Variants in TEX11 observed in about 807,000 individuals in gnomAD.
The protein encoded by TEX11 is testis expressed 11, also known as testis-expressed protein 11.
In TEX11, 7 loss-of-function variants were observed where a neutral mutation model predicts 84.4. The ratio of observed to expected loss-of-function variants is 0.08; its 90% CI spans 0.05 to 0.16. The LOEUF is 0.16. TEX11 is among the 10% of genes least tolerant of loss of function. The pLI is 1.00. For synonymous variants in TEX11, 264 were observed against 222.8 expected (o/e 1.18, Z -1.64); for missense variants, 551 against 660.5 (o/e 0.83, Z 1.82).
intron 9 of TEX11, among the ~76,000 whole-genome samples, chrX:70,755,924 G>A (rs763443100): frequency 5.3e-5 from 6 of 112,546 alleles, no homozygotes; most frequent in Non-Finnish European, 1.1e-4. Context: ...CTTCACAACC[G>A]GCAGACCAGG....
intron 25 of TEX11, among the ~76,000 whole-genome samples, chrX:70,581,873 G>A (rs1569339555): frequency 9.0e-6 from 1 of 111,480 alleles, no homozygotes; most frequent in Non-Finnish European, 1.9e-5. Context: ...AGTGACAAAT[G>A]GGTATATGCT....
At chrX:70,906,833 A>G (rs760190889) in intron 2 of TEX11, among the ~76,000 whole-genome samples, 2 of 112,082 alleles carry the variant, frequency 1.8e-5, no homozygotes, top group Admixed American at 1.9e-4. Flanking sequence ...TATTAACAAA[A>G]TGTTGACCTA....
chrX:70,827,412 T>C (rs962699668), intron 8 of TEX11, among the ~76,000 whole-genome samples: 6 of 111,573 alleles, frequency 5.4e-5, no homozygotes, highest in African/African-American at 2.0e-4. Flanking sequence ...GACTTTGTAC[T>C]GCACTCTAGG....
At position 70,722,715 on chromosome X, in the gene TEX11, G is replaced by T. The variant is rs760055039; in HGVS notation, c.926-19C>A. 23 of 1,114,218 alleles carry T rather than the reference G, an allele frequency of 2.1e-5. No individual in the cohort carries two copies. Among genetic ancestry groups the T allele is most frequent in the Non-Finnish European group, 2.7e-5 (22 of 813,514 alleles). 91.8% of individuals were successfully genotyped at this position (1,114,218 alleles called of 1,213,427 possible). A position where few individuals can be genotyped will look rare whatever the true frequency, so the allele number is the denominator to read the frequency against. ...ATGACAGCTAACAAGATGAAAAAATGAAATAATTATCAGTTTAATTTTTGA... is the reference window on the plus strand; with the variant it reads ...ATGACAGCTAACAAGATGAAAAAATTAAATAATTATCAGTTTAATTTTTGA... On this transcript the variant is annotated intron_variant, in intron 12 of 29. Transcript: ENST00000374333.
At chrX:70,887,171 A>G (rs1414744409) in intron 2 of TEX11, among the ~76,000 whole-genome samples, 1 of 111,841 alleles carries the variant, frequency 8.9e-6, no homozygotes, top group Non-Finnish European at 1.9e-5. Context: ...TGGTGGCTAC[A>G]GGGAGAGACC....
intron 2 of TEX11, among the ~76,000 whole-genome samples, chrX:70,881,379 T>C (rs1274038224): frequency 9.1e-6 from 1 of 110,012 alleles, no homozygotes; most frequent in Non-Finnish European, 1.9e-5. Flanking sequence ...AGAATCACAA[T>C]TGATGCCCTT....
chrX:70,534,704 A>G (rs2087933586), intron 28 of TEX11, among the ~76,000 whole-genome samples: 1 of 111,819 alleles, frequency 8.9e-6, no homozygotes, highest in Non-Finnish European at 1.9e-5. Context: ...CTGGAGCACA[A>G]ATGCCTGTCC....
intron 9 of TEX11, among the ~76,000 whole-genome samples, chrX:70,785,763 A>G (rs1411525391): frequency 8.9e-6 from 1 of 112,148 alleles, no homozygotes; most frequent in African/African-American, 3.2e-5. Context: ...TCAAAACCAC[A>G]ATGAGATACC....
chrX:70,714,892 G>A (rs1260085658), intron 13 of TEX11, among the ~76,000 whole-genome samples: 1 of 111,719 alleles, frequency 9.0e-6, no homozygotes, highest in African/African-American at 3.3e-5. Flanking sequence ...TAGCCTTGAT[G>A]GTCTTTACAA....
chrX:70,684,624 C>T (rs1465840848), intron 13 of TEX11, among the ~76,000 whole-genome samples: 1 of 111,609 alleles, frequency 9.0e-6, no homozygotes, highest in Non-Finnish European at 1.9e-5. Flanking sequence ...CATCTGTACA[C>T]TGAAAACTAA....
chrX:70,852,899 G>C, intron 7 of TEX11, 135 bp downstream of exon 7: 1 of 605,858 alleles, frequency 1.7e-6, no homozygotes, highest in South Asian at 3.1e-5. Flanking sequence ...ATATAACAGA[G>C]ATAAAAAGGT....
intron 13 of TEX11, among the ~76,000 whole-genome samples, chrX:70,695,494 A>C (rs777429784): frequency 8.9e-6 from 1 of 112,083 alleles, no homozygotes; most frequent in South Asian, 3.7e-4. Flanking sequence ...ACAAAAGACC[A>C]CAAGGAACCT....
intron 7 of TEX11, among the ~76,000 whole-genome samples, chrX:70,840,858 C>A (rs1468776634): frequency 9.0e-6 from 1 of 110,985 alleles, no homozygotes; most frequent in Non-Finnish European, 1.9e-5. Flanking sequence ...GACTTTAAAC[C>A]AACAAAGATC....
chrX:70,562,993 A>G (rs762345377), intron 25 of TEX11, among the ~76,000 whole-genome samples: 1 of 112,293 alleles, frequency 8.9e-6, no homozygotes, highest in East Asian at 2.8e-4. Context: ...TCCATTATAG[A>G]GATGTACAGT....
At chrX:70,584,697 A>G (rs1415322579) in intron 25 of TEX11, among the ~76,000 whole-genome samples, 4 of 112,195 alleles carry the variant, frequency 3.6e-5, no homozygotes, top group African/African-American at 1.3e-4. Context: ...GGATTATACA[A>G]TCTGATTAGG....
chrX:70,839,544 AC>A (rs1191902115), intron 7 of TEX11, among the ~76,000 whole-genome samples: 1 of 111,879 alleles, frequency 8.9e-6, no homozygotes, highest in African/African-American at 3.2e-5. Context: ...TGGGAAAAAA[AC>A]AGAGCAGAAA....
chrX:70,602,222 A>G (rs972781822), intron 24 of TEX11, among the ~76,000 whole-genome samples: 20 of 111,868 alleles, frequency 1.8e-4, no homozygotes, highest in African/African-American at 6.5e-4. Context: ...TCATTCTGAT[A>G]CCAAAGCCGG....
Position 70,824,085 on chromosome X carries a change from C to CCA in TEX11, c.606+9426_606+9427dup, listed in dbSNP as rs772705720. On this transcript the variant is annotated intron_variant, in intron 8 of 29. Coordinates refer to ENST00000374333, the MANE Select transcript of TEX11 (RefSeq NM_031276.3). ...TTGGGTAAGATAAAGTAAGTATGCACCACCCTTTATCTCCCACTGAATGTA... is the reference window on the plus strand; with the variant it reads ...TTGGGTAAGATAAAGTAAGTATGCACCACACCCTTTATCTCCCACTGAATGTA... 2.0e-4 allele frequency among the ~76,000 whole-genome samples: 22 copies of CCA among 111,708 alleles called. No individual in the cohort carries two copies. The East Asian group carries it at 5.3e-3, about 27-fold the overall frequency.
At chrX:70,727,410 A>C (rs1173321835) in intron 11 of TEX11, among the ~76,000 whole-genome samples, 3 of 111,683 alleles carry the variant, frequency 2.7e-5, no homozygotes, top group Non-Finnish European at 5.7e-5. Flanking sequence ...AATAATAATA[A>C]AACAAACACC....
Sources: allele counts gnomAD v4.1 joint callset (sites outside exome capture counted in the v4.1 genomes callset), GRCh38; gene constraint gnomAD v4.1.1; transcripts MANE v1.5; gene names NCBI Gene and HGNC (gene_info 2026-07-23, HGNC 2026-07-21).